GAB2: variants seen among roughly 807,000 people sequenced by gnomAD.
GAB2 encodes the protein GRB2-associated-binding protein 2.
Under a neutral mutation model 65.5 loss-of-function variants are expected in GAB2, and 26 were observed. That is an observed-to-expected ratio of 0.40 (90% CI 0.29 to 0.55). The LOEUF (loss-of-function observed/expected upper bound fraction) is 0.55. GAB2 is among the 20% of genes least tolerant of loss of function. The pLI, the probability that GAB2 is intolerant of heterozygous loss-of-function variation, is 0.53. For missense variants in GAB2, 884 were observed against 875.8 expected (o/e 1.01, Z -0.12); for synonymous variants, 321 against 329.6 (o/e 0.97, Z 0.28).
intron 1 of GAB2, among the ~76,000 whole-genome samples, chr11:78,314,143 A>G (rs765170163): frequency 3.9e-5 from 6 of 152,250 alleles, no homozygotes; most frequent in Non-Finnish European, 8.8e-5. Flanking sequence ...CAGGCATCAC[A>G]TGAGGTGCTT....
intron 1 of GAB2, among the ~76,000 whole-genome samples, chr11:78,408,269 G>A (rs918607146): frequency 1.3e-5 from 2 of 152,066 alleles, no homozygotes; most frequent in Admixed American, 6.5e-5. Flanking sequence ...GGGAGGTAAG[G>A]TTACTATACT....
chr11:78,256,282 T>A (rs1018388596), intron 2 of GAB2, among the ~76,000 whole-genome samples: 1 of 152,194 alleles, frequency 6.6e-6, no homozygotes, highest in Admixed American at 6.5e-5. Context: ...AATATTACGC[T>A]AAGTGAAAGA....
chr11:78,402,669 T>C (rs909951436), intron 1 of GAB2, among the ~76,000 whole-genome samples: 1 of 151,402 alleles, frequency 6.6e-6, no homozygotes, highest in South Asian at 2.1e-4. Flanking sequence ...TTGGCCAGGC[T>C]GGTCTCAAAC....
intron 3 of GAB2, among the ~76,000 whole-genome samples, chr11:78,244,007 CA>C (rs907418246): frequency 6.6e-6 from 1 of 150,862 alleles, no homozygotes; most frequent in East Asian, 2.0e-4. Flanking sequence ...ATGGAATTTG[CA>C]AAAAAAAGTC....
At chr11:78,405,634 CACT>C (rs1358546250) in intron 1 of GAB2, among the ~76,000 whole-genome samples, 1 of 152,132 alleles carries the variant, frequency 6.6e-6, no homozygotes, top group Non-Finnish European at 1.5e-5. Context: ...CTATTCCCAC[CACT>C]AAGTACAACT....
chr11:78,285,202 C>T (rs183224854), intron 1 of GAB2, among the ~76,000 whole-genome samples: 3 of 152,250 alleles, frequency 2.0e-5, no homozygotes, highest in South Asian at 2.1e-4. Flanking sequence ...GATGTGTCCC[C>T]GTTAGTCTTG....
intron 1 of GAB2, among the ~76,000 whole-genome samples, chr11:78,302,897 C>T (rs1214060123): frequency 2.6e-5 from 4 of 152,126 alleles, no homozygotes; most frequent in East Asian, 1.9e-4. Context: ...TTCACAGCAA[C>T]GTGGATGGGA....
At chr11:78,331,702 G>A (rs1318610992) in intron 1 of GAB2, among the ~76,000 whole-genome samples, 2 of 152,092 alleles carry the variant, frequency 1.3e-5, no homozygotes, top group East Asian at 3.8e-4. Flanking sequence ...GAGGAATAGT[G>A]CCCACGCTGC....
Position 78,280,568 on chromosome 11 carries a change from C to T in GAB2, c.376+33G>A, listed in dbSNP as rs543694170. 8 of 1,560,498 alleles carry T rather than the reference C, an allele frequency of 5.1e-6. No homozygotes were observed. In the South Asian group the frequency reaches 8.1e-5, roughly 16 times the overall value. Reference sequence around the variant, plus strand: ...GGAATCCAAGGGCCTCACCTCAACCCCCTATGAGAAAGATCTGTGTGCGTT... The same window carrying T: ...GGAATCCAAGGGCCTCACCTCAACCTCCTATGAGAAAGATCTGTGTGCGTT... On this transcript the variant is annotated intron_variant, in intron 2 of 9. Transcript: ENST00000361507.
In GAB2 at chr11:78,226,904, C is replaced by T. The variant is rs745944193; in HGVS notation, c.768G>A (p.Arg256=). 6.2e-7 allele frequency: 1 copy of T among 1,613,902 alleles called. No homozygotes were observed. Among genetic ancestry groups the T allele is most frequent in the African/African-American group, 1.3e-5 (1 of 74,880 alleles). Residue 256 remains arginine (R), a synonymous_variant, in exon 4 of 10, where the codon CGG becomes CGA. Coordinates refer to ENST00000361507, the MANE Select transcript of GAB2 (RefSeq NM_080491.3). ...HGFYSLPKPS[R]HNTEFRDSTY... ...TACTGTCTCTGAATTCTGTATTGTG[C>T]CGGCTCGGCTTGGGAAGGCTATAGA...
chr11:78,390,767 T>C (rs1400140809), intron 1 of GAB2, among the ~76,000 whole-genome samples: 1 of 152,198 alleles, frequency 6.6e-6, no homozygotes, highest in East Asian at 1.9e-4. Context: ...AATTAGACAC[T>C]GAAGTAGAAA....
intron 3 of GAB2, among the ~76,000 whole-genome samples, chr11:78,237,447 A>G (rs569076964): frequency 6.6e-6 from 1 of 152,366 alleles, no homozygotes; most frequent in South Asian, 2.1e-4. Context: ...TAGTACTTAC[A>G]ATATGATTCC....
rs984989129 is a variant in GAB2, at chr11:78,253,004, C to CTTTTTTTTT, written c.377-2613_377-2605dup. Among the ~76,000 whole-genome samples the CTTTTTTTTT allele has an allele frequency of 4.7e-4, 50 of 106,962 alleles. 2 individuals carry two copies. Among genetic ancestry groups the CTTTTTTTTT allele is most frequent in the African/African-American group, 1.6e-3 (39 of 23,972 alleles). The allele number at this position is 106,962 out of a possible 152,430, so 70.2% of individuals were successfully genotyped here. On this transcript the variant is annotated intron_variant, in intron 2 of 9. Transcript: ENST00000361507. ...CTCAGATGACTTACAAATATCTTTC[C>CTTTTTTTTT]TTTTTTTTTTTTTTTTTTTTTTGTG...
At chr11:78,342,485 T>A (rs760198537) in intron 1 of GAB2, among the ~76,000 whole-genome samples, 34 of 142,086 alleles carry the variant, frequency 2.4e-4, no homozygotes, top group Non-Finnish European at 3.9e-4. Context: ...CTCGGCTCAC[T>A]ACAAGCTCCG....
At chr11:78,230,843 G>A (rs1864823333) in intron 3 of GAB2, among the ~76,000 whole-genome samples, 1 of 152,220 alleles carries the variant, frequency 6.6e-6, no homozygotes, top group African/African-American at 2.4e-5. Flanking sequence ...AATCTAGATG[G>A]GGAATTCCAA....
intron 1 of GAB2, among the ~76,000 whole-genome samples, chr11:78,339,802 G>C (rs1856063372): frequency 6.6e-6 from 1 of 151,840 alleles, no homozygotes; most frequent in South Asian, 2.1e-4. Flanking sequence ...ACGGAAAACT[G>C]ACTTGTGAAT....
chr11:78,387,854 A>G (rs1253209145), intron 1 of GAB2, among the ~76,000 whole-genome samples: 7 of 152,204 alleles, frequency 4.6e-5, no homozygotes. Flanking sequence ...TGGGGTCAAA[A>G]TGTGGTTCTT....
intron 2 of GAB2, among the ~76,000 whole-genome samples, chr11:78,268,279 C>CTT (rs1327119269): frequency 3.3e-5 from 5 of 152,174 alleles, no homozygotes; most frequent in Non-Finnish European, 7.3e-5. Context: ...CGTAACAAAG[C>CTT]TGAAATTTAA....
chr11:78,231,328 G>GT (rs1864842545), intron 3 of GAB2, among the ~76,000 whole-genome samples: 3 of 121,110 alleles, frequency 2.5e-5, no homozygotes, highest in African/African-American at 3.6e-5. Context: ...GCGCGCGCGC[G>GT]CGTGTGTGGT....
Sources: allele counts gnomAD v4.1 joint callset (sites outside exome capture counted in the v4.1 genomes callset), GRCh38; gene constraint gnomAD v4.1.1; transcripts MANE v1.5; gene names NCBI Gene and HGNC (gene_info 2026-07-23, HGNC 2026-07-21).